SLC14A2: variants seen among roughly 807,000 people sequenced by gnomAD.
SLC14A2 encodes the protein urea transporter 2.
A neutral mutation model predicts 104.6 loss-of-function variants in SLC14A2; 91 were observed. The observed-to-expected ratio is 0.87, with a 90% CI of 0.73 to 1.04. The LOEUF (loss-of-function observed/expected upper bound fraction) is 1.04. Ranked by LOEUF, SLC14A2 falls within the 50% of genes least tolerant of loss-of-function variation. SLC14A2 has a pLI of 0.00. For synonymous variants in SLC14A2, 476 were observed against 466.4 expected (o/e 1.02, Z -0.27); for missense variants, 1,189 against 1,156.0 (o/e 1.03, Z -0.41).
intron 1 of SLC14A2, among the ~76,000 whole-genome samples, chr18:45,465,265 A>C (rs2087119555): frequency 6.6e-6 from 1 of 152,242 alleles, no homozygotes; most frequent in African/African-American, 2.4e-5. Context: ...TGAGAGAAGC[A>C]GTGCCTCCAG....
At chr18:45,674,232 C>T (rs551688277) in intron 18 of SLC14A2, among the ~76,000 whole-genome samples, 3 of 152,188 alleles carry the variant, frequency 2.0e-5, no homozygotes, top group African/African-American at 7.2e-5. Context: ...TGTCCTCATC[C>T]TTGAACATCC....
chr18:45,232,410 C>G lies in SLC14A2; in HGVS notation c.-125+19219C>G, dbSNP rs183677537. ...GATCCAGTCTCCTCCCACCAGGTCC[C>G]GCCCCCAACATTGGGAATTACAATT... On this transcript the variant is annotated intron_variant, in intron 1 of 20. Coordinates refer to the SLC14A2 transcript ENST00000586448. Among the ~76,000 whole-genome samples the G allele has an allele frequency of 2.5e-3, 387 of 152,302 alleles. 1 individual carries two copies. Among genetic ancestry groups the G allele is most frequent in the Middle Eastern group, 6.8e-3 (2 of 294 alleles).
intron 1 of SLC14A2, among the ~76,000 whole-genome samples, chr18:45,418,402 CAACTA>C (rs148200811): frequency 1.3e-3 from 203 of 152,268 alleles, no homozygotes; most frequent in African/African-American, 4.6e-3. Context: ...GGTGTTGAAA[CAACTA>C]AGCTACAAGA....
At chr18:45,286,856 T>G (rs535500430) in intron 1 of SLC14A2, among the ~76,000 whole-genome samples, 1 of 152,336 alleles carries the variant, frequency 6.6e-6, no homozygotes, top group Non-Finnish European at 1.5e-5. Context: ...ATTCTAAGAC[T>G]TTGGCTCCCC....
intron 1 of SLC14A2, among the ~76,000 whole-genome samples, chr18:45,623,423 T>A (rs1335972710): frequency 6.6e-6 from 1 of 152,158 alleles, no homozygotes; most frequent in Admixed American, 6.5e-5. Context: ...CTTCTCTGAA[T>A]GACAGAGTGA....
At chr18:45,501,653 G>C (rs998140074) in intron 2 of SLC14A2, among the ~76,000 whole-genome samples, 1 of 152,168 alleles carries the variant, frequency 6.6e-6, no homozygotes, top group African/African-American at 2.4e-5. Context: ...GTTAGCTTTA[G>C]AGTACCCAGA....
intron 1 of SLC14A2, among the ~76,000 whole-genome samples, chr18:45,332,197 T>C (rs1384259974): frequency 6.6e-6 from 1 of 152,210 alleles, no homozygotes; most frequent in East Asian, 1.9e-4. Context: ...TGGTTTCAAA[T>C]ACAGTTGGCC....
chr18:45,619,332 G>A (rs28406571), intron 1 of SLC14A2, among the ~76,000 whole-genome samples: 12,175 of 152,330 alleles, frequency 0.08, 645 homozygotes, highest in Non-Finnish European at 0.12. Flanking sequence ...AGGACACAGT[G>A]CCTGCTCACT....
chr18:45,593,939 A>AC (rs1282813886), intron 2 of SLC14A2, among the ~76,000 whole-genome samples: 1 of 152,194 alleles, frequency 6.6e-6, no homozygotes, highest in Non-Finnish European at 1.5e-5. Context: ...CCAGACCGTC[A>AC]CCCCTAAGCT....
At chr18:45,260,013 C>T (rs1290668142) in intron 1 of SLC14A2, among the ~76,000 whole-genome samples, 2 of 152,154 alleles carry the variant, frequency 1.3e-5, no homozygotes, top group Non-Finnish European at 2.9e-5. Flanking sequence ...AAAAAGCTAA[C>T]TACTCCCTTA....
chr18:45,678,394 A>C (rs902120431), intron 18 of SLC14A2, among the ~76,000 whole-genome samples: 2 of 152,206 alleles, frequency 1.3e-5, no homozygotes, highest in African/African-American at 4.8e-5. Flanking sequence ...GGATGCTCTC[A>C]GCGAGAAATG....
chr18:45,194,268 T>C, the SLC14A2 span, among the ~76,000 whole-genome samples: 6 of 152,334 alleles, frequency 3.9e-5, 1 homozygote, highest in South Asian at 8.3e-4. Flanking sequence ...AACCTTGCCT[T>C]GTTCCTGATC....
At chr18:45,495,763 G>A (rs190874136) in intron 2 of SLC14A2, among the ~76,000 whole-genome samples, 41 of 152,284 alleles carry the variant, frequency 2.7e-4, no homozygotes, top group African/African-American at 9.4e-4. Context: ...CTTAAGAGAA[G>A]CCAGTTAAAT....
intron 1 of SLC14A2, among the ~76,000 whole-genome samples, chr18:45,354,505 G>A (rs143642757): frequency 2.6e-5 from 4 of 152,328 alleles, no homozygotes; most frequent in African/African-American, 9.6e-5. Flanking sequence ...GTTGACTTGC[G>A]GAGGCTCCCA....
At chr18:45,330,460 A>G (rs1011873227) in intron 1 of SLC14A2, among the ~76,000 whole-genome samples, 19 of 152,198 alleles carry the variant, frequency 1.2e-4, no homozygotes, top group African/African-American at 4.6e-4. Flanking sequence ...TGTGTAAGTG[A>G]TGATGGTGCA....
Position 45,228,942 on chromosome 18 carries a change from C to T in SLC14A2, c.-125+15751C>T, listed in dbSNP as rs184621881. Among the ~76,000 whole-genome samples the T allele has an allele frequency of 9.2e-5, 14 of 152,236 alleles. No individual in the cohort carries two copies. The South Asian group carries it at 1.7e-3, about 18-fold the overall frequency. ...TCTGTCATGTGATTAAACATTGGCCCGGTTCCACCTCCAGTGTTTTCCCCT... is the reference window on the plus strand; with the variant it reads ...TCTGTCATGTGATTAAACATTGGCCTGGTTCCACCTCCAGTGTTTTCCCCT... On this transcript the variant is annotated intron_variant, in intron 1 of 20. Transcript: ENST00000586448.
At chr18:45,596,219 G>C (rs2044717084) in intron 2 of SLC14A2, among the ~76,000 whole-genome samples, 1 of 152,196 alleles carries the variant, frequency 6.6e-6, no homozygotes, top group African/African-American at 2.4e-5. Context: ...GGCCTGGCTT[G>C]CCAAGTGCTC....
intron 2 of SLC14A2, among the ~76,000 whole-genome samples, chr18:45,521,001 T>A (rs11875613): frequency 1.3e-5 from 2 of 151,934 alleles, no homozygotes; most frequent in Non-Finnish European, 2.9e-5. Context: ...TCTGAGATAC[T>A]CTAGAATCTT....
At chr18:45,288,305 A>G (rs966361166) in intron 1 of SLC14A2, among the ~76,000 whole-genome samples, 18 of 152,180 alleles carry the variant, frequency 1.2e-4, no homozygotes, top group African/African-American at 4.1e-4. Context: ...GATCAGTTCT[A>G]TATGTTGACA....
Sources: allele counts gnomAD v4.1 joint callset (sites outside exome capture counted in the v4.1 genomes callset), GRCh38; gene constraint gnomAD v4.1.1; transcripts MANE v1.5; gene names NCBI Gene and HGNC (gene_info 2026-07-23, HGNC 2026-07-21).